Variants in MPC1 observed in about 807,000 individuals in gnomAD.
MPC1 encodes mitochondrial pyruvate carrier 1.
A neutral mutation model predicts 13.9 loss-of-function variants in MPC1; 6 were observed. The observed-to-expected ratio is 0.43, with a 90% CI of 0.24 to 0.85. MPC1 has a LOEUF of 0.85. Ranked by LOEUF, MPC1 falls within the 40% of genes least tolerant of loss-of-function variation. MPC1 has a pLI of 0.24. For synonymous variants in MPC1, 47 were observed against 50.5 expected, an observed-to-expected ratio of 0.93 and a Z score of 0.29; for missense variants, 115 against 143.3, an observed-to-expected ratio of 0.80 and a Z score of 1.01.
intron 1 of MPC1, among the ~76,000 whole-genome samples, chr6:166,381,039 CCA>C (rs1779761527): frequency 6.6e-6 from 1 of 151,098 alleles, no homozygotes; most frequent in Non-Finnish European, 1.5e-5. Flanking sequence ...TTTAATTTTA[CCA>C]CACAATGTTA....
At chr6:166,382,747 G>C in intron 1 of MPC1, 59 bp downstream of exon 1, 1 of 1,508,762 alleles carries the variant, frequency 6.6e-7, no homozygotes, top group Non-Finnish European at 8.9e-7. Flanking sequence ...GGACTGCACG[G>C]GTCGCAGCCT....
chr6:166,368,509 GCA>G (rs1281207721), intron 2 of MPC1, among the ~76,000 whole-genome samples: 1 of 139,926 alleles, frequency 7.1e-6, no homozygotes, highest in Non-Finnish European at 1.5e-5. Flanking sequence ...AGCCAAGATT[GCA>G]CCACTGCACT....
At chr6:166,378,279 T>C (rs1463312066) in intron 1 of MPC1, among the ~76,000 whole-genome samples, 2 of 152,230 alleles carry the variant, frequency 1.3e-5, no homozygotes, top group South Asian at 4.1e-4. Flanking sequence ...TTAGAATACC[T>C]GATCAACTTG....
At chr6:166,369,622 A>G (rs538122584) in intron 2 of MPC1, among the ~76,000 whole-genome samples, 1 of 152,230 alleles carries the variant, frequency 6.6e-6, no homozygotes, top group Non-Finnish European at 1.5e-5. Context: ...CATCTTTTCT[A>G]TCTAGTACAA....
At position 166,374,131 on chromosome 6, in the gene MPC1, C is replaced by T. The variant is rs1043360551; in HGVS notation, c.72-3910G>A. On this transcript the variant is annotated intron_variant, in intron 1 of 4. Coordinates refer to ENST00000360961, the MANE Select transcript of MPC1 (RefSeq NM_016098.4). Reference sequence around the variant, plus strand: ...CCTCCCAAGTAGCTGGGATTATAGGCACCCGTCACCACACCTGGCTAATTT... The same window carrying T: ...CCTCCCAAGTAGCTGGGATTATAGGTACCCGTCACCACACCTGGCTAATTT... Among the ~76,000 whole-genome samples the T allele has an allele frequency of 2.0e-5, 3 of 151,990 alleles. No homozygotes were observed. The South Asian group carries it at 6.2e-4, about 32-fold the overall frequency.
chr6:166,368,997 C>T (rs1779274090), intron 2 of MPC1: 1 of 943,288 alleles, frequency 1.1e-6, no homozygotes, highest in Non-Finnish European at 1.3e-6. Flanking sequence ...TTCTCTACCA[C>T]TGGTTGTGAA....
intron 1 of MPC1, 61 bp downstream of exon 1, chr6:166,382,745 C>G (rs1049335304): frequency 3.7e-5 from 55 of 1,499,228 alleles, no homozygotes; most frequent in Admixed American, 6.4e-5. Context: ...GCGGACTGCA[C>G]GGGTCGCAGC....
rs1030333647 is a variant in MPC1 at position 166,366,752 on chromosome 6, C to T, written c.172+43G>A. 4 of 1,570,770 alleles carry T rather than the reference C, an allele frequency of 2.5e-6. No individual in the cohort carries two copies. The African/African-American group carries it at 4.1e-5, about 16-fold the overall frequency. On this transcript the variant is annotated intron_variant, in intron 3 of 4. Transcript: ENST00000360961. ...TCTTGAAATGCAAGCAGGAGCTCTA[C>T]TATGTTGAAAGTCCTCCCAATTATC...
At chr6:166,374,632 C>T (rs2114965330) in intron 1 of MPC1, among the ~76,000 whole-genome samples, 1 of 152,316 alleles carries the variant, frequency 6.6e-6, no homozygotes, top group South Asian at 2.1e-4. Context: ...ACATTCGTTT[C>T]TGTTTTGCAA....
intron 1 of MPC1, among the ~76,000 whole-genome samples, chr6:166,380,113 G>GACT (rs1175974166): frequency 6.6e-6 from 1 of 152,172 alleles, no homozygotes; most frequent in Non-Finnish European, 1.5e-5. Flanking sequence ...CAAGATCATA[G>GACT]AGCTTTATAG....
rs574935069 is a variant in MPC1 at position 166,371,926 on chromosome 6, C to T, written c.72-1705G>A. Among the ~76,000 whole-genome samples, 9 of 152,188 alleles carry T rather than the reference C, an allele frequency of 5.9e-5. No homozygotes were observed. In the East Asian group the frequency reaches 1.5e-3, roughly 26 times the overall value. On this transcript the variant is annotated intron_variant, in intron 1 of 4. Coordinates refer to ENST00000360961, the MANE Select transcript of MPC1 (RefSeq NM_016098.4). ...AATATTTTTTTGGACCACAAATGGCCCTGAGTGACTGAATCCATAGAAGGA... is the reference window on the plus strand; with the variant it reads ...AATATTTTTTTGGACCACAAATGGCTCTGAGTGACTGAATCCATAGAAGGA...
chr6:166,373,814 A>G (rs575540050), intron 1 of MPC1, among the ~76,000 whole-genome samples: 2 of 152,124 alleles, frequency 1.3e-5, no homozygotes, highest in Non-Finnish European at 2.9e-5. Flanking sequence ...TCTTGTTTTA[A>G]TTTGCATTTC....
chr6:166,366,178 G>T (rs1466859419), intron 3 of MPC1, 72 bp from the exon 4 acceptor site: 7 of 1,532,198 alleles, frequency 4.6e-6, no homozygotes, highest in Non-Finnish European at 6.2e-6. Context: ...CCACAGAGAT[G>T]AACAGTTCCA....
In MPC1 at chr6:166,365,500, T is replaced by C. The variant is rs1393150665; in HGVS notation, c.306-47A>G. On this transcript the variant is annotated intron_variant, in intron 4 of 4. Transcript: ENST00000360961. This position sits in a 1 kb window ranked among gnomAD's most constrained non-coding sequence, Gnocchi z 4.2. ...AATTCAATGAGAAACAAAATTTCAA[T>C]GCCAATCGCAAGGGCTTTGGATGGC... is the stretch of plus-strand genomic sequence containing the variant. The C allele has an allele frequency of 6.6e-7, 1 of 1,508,366 alleles. No homozygotes were observed. Among genetic ancestry groups the C allele is most frequent in the African/African-American group, 1.4e-5 (1 of 71,614 alleles). 93.4% of individuals were successfully genotyped at this position (1,508,366 alleles called of 1,614,324 possible).
chr6:166,381,961 C>CAGCG, intron 1 of MPC1: 1 of 319,276 alleles, frequency 3.1e-6, no homozygotes, highest in East Asian at 1.7e-4. Context: ...TCCGCTCCAA[C>CAGCG]AGCGCCGCGC....
chr6:166,367,407 T>C (rs1458885825), intron 2 of MPC1, among the ~76,000 whole-genome samples: 2 of 152,188 alleles, frequency 1.3e-5, no homozygotes, highest in African/African-American at 4.8e-5. Flanking sequence ...GAATAAATTG[T>C]TTTTCAGCTC....
At chr6:166,379,664 A>T (rs1017157721) in intron 1 of MPC1, among the ~76,000 whole-genome samples, 15 of 152,356 alleles carry the variant, frequency 9.8e-5, no homozygotes, top group African/African-American at 3.4e-4. Flanking sequence ...TAGTTGAGAA[A>T]ACCTCTAGAC....
intron 1 of MPC1, among the ~76,000 whole-genome samples, chr6:166,372,065 C>T (rs998402284): frequency 6.6e-6 from 1 of 152,078 alleles, no homozygotes; most frequent in Non-Finnish European, 1.5e-5. Context: ...ACAGCAAGTA[C>T]AAACTGACCA....
At chr6:166,372,782 A>G (rs1779428352) in intron 1 of MPC1, among the ~76,000 whole-genome samples, 1 of 151,726 alleles carries the variant, frequency 6.6e-6, no homozygotes, top group African/African-American at 2.4e-5. Context: ...AGCCACATAT[A>G]AACTGCAATT....
Sources: allele counts gnomAD v4.1 joint callset (sites outside exome capture counted in the v4.1 genomes callset), GRCh38; gene constraint gnomAD v4.1.1; non-coding constraint Gnocchi (gnomAD v3.1); transcripts MANE v1.5; gene names NCBI Gene and HGNC (gene_info 2026-07-23, HGNC 2026-07-21).